Variants in TRERF1 observed in about 807,000 individuals in gnomAD.
TRERF1 encodes transcriptional regulating factor 1, also known as transcriptional-regulating factor 1.
Under a neutral mutation model 122.9 loss-of-function variants are expected in TRERF1, and 27 were observed. That is an observed-to-expected ratio of 0.22 (90% confidence interval 0.16 to 0.30). The LOEUF (loss-of-function observed/expected upper bound fraction) is 0.30, where lower values mean the gene tolerates loss of function less well. Among genes scored for constraint, TRERF1 ranks in the 10% least tolerant of loss-of-function variants. TRERF1 has a pLI of 1.00. For missense variants in TRERF1, 1,248 were observed against 1,560.3 expected, an observed-to-expected ratio of 0.80 and a Z score of 3.37; for synonymous variants, 636 against 641.7, an observed-to-expected ratio of 0.99 and a Z score of 0.13.
At chr6:42,334,367 G>A (rs1423465555) in intron 3 of TRERF1, among the ~76,000 whole-genome samples, 3 of 152,180 alleles carry the variant, frequency 2.0e-5, no homozygotes, top group Admixed American at 2.0e-4. Flanking sequence ...TTCCAAAGTT[G>A]TAAAGCAACT....
At chr6:42,274,660 G>C (rs374055688) in intron 4 of TRERF1, among the ~76,000 whole-genome samples, 3 of 151,988 alleles carry the variant, frequency 2.0e-5, no homozygotes, top group African/African-American at 7.3e-5. Context: ...GCCTGGGCAA[G>C]AGAGTGAGAC....
chr6:42,332,223 G>A (rs1412953060), intron 3 of TRERF1, among the ~76,000 whole-genome samples: 3 of 152,248 alleles, frequency 2.0e-5, no homozygotes, highest in Non-Finnish European at 4.4e-5. Flanking sequence ...TATTACAGGC[G>A]TGTGCCACCG....
chr6:42,414,244 A>AT (rs1421688534), intron 2 of TRERF1, among the ~76,000 whole-genome samples: 2 of 152,220 alleles, frequency 1.3e-5, no homozygotes, highest in Non-Finnish European at 2.9e-5. Context: ...ATGTGTAAAC[A>AT]TTTTTTAGCC....
intron 2 of TRERF1, among the ~76,000 whole-genome samples, chr6:42,401,038 T>C (rs762199426): frequency 1.3e-5 from 2 of 152,124 alleles, no homozygotes; most frequent in African/African-American, 2.4e-5. Flanking sequence ...CTGGCCATCC[T>C]CCCAATGCAC....
chr6:42,445,363 C>G (rs867328166), intron 2 of TRERF1, among the ~76,000 whole-genome samples: 2,437 of 151,332 alleles, frequency 0.016, 55 homozygotes, highest in African/African-American at 0.052. Flanking sequence ...GACACACACA[C>G]ACACACACAC....
At chr6:42,251,276 A>G (rs899597883) in intron 13 of TRERF1, among the ~76,000 whole-genome samples, 8 of 152,194 alleles carry the variant, frequency 5.3e-5, no homozygotes, top group Non-Finnish European at 1.5e-5. Flanking sequence ...GATTACAGGC[A>G]TGAGCCACCG....
chr6:42,390,489 C>T (rs1379512453), intron 2 of TRERF1, among the ~76,000 whole-genome samples: 2 of 152,208 alleles, frequency 1.3e-5, no homozygotes, highest in Admixed American at 6.5e-5. Flanking sequence ...ATATCGCAAG[C>T]TTTGTTCTAC....
In TRERF1 at chr6:42,230,250, T is replaced by C. The variant is rs554863064; in HGVS notation, c.3279-1581A>G. ...ACCTCTAAGAGGTATTTTGTGAACA[T>C]TTGCCTAATGTTATTTTGAGTTAGG... is the stretch of plus-strand genomic sequence containing the variant. On this transcript the variant is annotated intron_variant, in intron 17 of 17. Coordinates refer to ENST00000372922, the Ensembl canonical transcript of TRERF1. Among the ~76,000 whole-genome samples the C allele has an allele frequency of 1.1e-3, 171 of 152,272 alleles. 1 individual carries two copies. The highest frequency in any genetic ancestry group is 3.9e-3 in the African/African-American group (161 of 41,538).
intron 2 of TRERF1, among the ~76,000 whole-genome samples, chr6:42,384,663 A>C (rs901469788): frequency 6.6e-6 from 1 of 152,230 alleles, no homozygotes; most frequent in Non-Finnish European, 1.5e-5. Context: ...TAAGTAACTG[A>C]TCTAGTTCTA....
intron 2 of TRERF1, among the ~76,000 whole-genome samples, chr6:42,435,252 A>C (rs544219856): frequency 6.6e-6 from 1 of 152,348 alleles, no homozygotes; most frequent in African/African-American, 2.4e-5. Context: ...GGAGGTAAAA[A>C]AGGCCTAAGT....
intron 2 of TRERF1, among the ~76,000 whole-genome samples, chr6:42,366,158 G>A (rs1265619027): frequency 6.6e-6 from 1 of 152,164 alleles, no homozygotes; most frequent in African/African-American, 2.4e-5. Flanking sequence ...AGCTTACCAA[G>A]CTCTCCTGGC....
intron 3 of TRERF1, among the ~76,000 whole-genome samples, chr6:42,325,456 A>C (rs1764131356): frequency 6.6e-6 from 1 of 152,220 alleles, no homozygotes; most frequent in South Asian, 2.1e-4. Context: ...TATGCAACTC[A>C]TATGTTCACT....
chr6:42,319,829 A>T (rs1280242575), intron 3 of TRERF1, among the ~76,000 whole-genome samples: 1 of 148,926 alleles, frequency 6.7e-6, no homozygotes, highest in Non-Finnish European at 1.5e-5. Context: ...AAAAAAAAAA[A>T]ATGGTGCATT....
intron 2 of TRERF1, among the ~76,000 whole-genome samples, chr6:42,398,276 T>A (rs1214506717): frequency 6.6e-6 from 1 of 152,118 alleles, no homozygotes; most frequent in African/African-American, 2.4e-5. Context: ...GTGAAGCAGG[T>A]CTGAACATTT....
intron 3 of TRERF1, among the ~76,000 whole-genome samples, chr6:42,312,871 A>G (rs1761913171): frequency 6.6e-6 from 1 of 152,182 alleles, no homozygotes; most frequent in Non-Finnish European, 1.5e-5. Context: ...GGTTCTACCA[A>G]TGTTCCTTCT....
intron 4 of TRERF1, among the ~76,000 whole-genome samples, chr6:42,272,565 C>G (rs1780421948): frequency 6.6e-6 from 1 of 152,116 alleles, no homozygotes; most frequent in Non-Finnish European, 1.5e-5. Flanking sequence ...ATGCCCACCC[C>G]CAAGTGAGTC....
rs772927758 is a variant in TRERF1 at position 42,268,932 on chromosome 6, G to A, written c.659C>T (p.Ala220Val). 1.2e-6 allele frequency: 2 copies of A among 1,612,662 alleles called. No homozygotes were observed. Among genetic ancestry groups the A allele is most frequent in the South Asian group, 2.2e-5 (2 of 91,062 alleles). The stretch of plus-strand genomic sequence containing the variant: ...GGTAGGGTGCTGCCCGACCTGAAGA[G>A]CTGGTTTGGACAGCCCACCAGTGAA... The change falls in exon 5 of 18, where the codon GCT becomes GTT. Residue 220 changes from alanine (A) to valine (V), a missense_variant. This residue lies in a region of TRERF1 where 946 missense variants were observed against 1,073.0 expected (regional missense o/e 0.88). Transcript: ENST00000372922. This position sits in a 1 kb window ranked among gnomAD's most constrained non-coding sequence, Gnocchi z 4.4.
At chr6:42,318,844 CCTCCAAAATAGATG>C (rs1270097443) in intron 3 of TRERF1, among the ~76,000 whole-genome samples, 6 of 152,256 alleles carry the variant, frequency 3.9e-5, no homozygotes, top group Non-Finnish European at 7.3e-5. Context: ...GGCCAACCAT[CCTCCAAAATAGATG>C]CTCTCCCTTC....
chr6:42,269,886 T>C lies in TRERF1; in HGVS notation c.-258-38A>G, dbSNP rs191764332. 1.3e-4 allele frequency: 61 copies of C among 474,960 alleles called. No homozygotes were observed. Among genetic ancestry groups the C allele is most frequent in the Non-Finnish European group, 2.0e-4 (59 of 297,202 alleles). The allele number at this position is 474,960 out of a possible 1,614,324, so 29.4% of individuals were successfully genotyped here. Reference sequence around the variant, plus strand: ...ATGCAAAAGACAGGAAAGGATTTATTTGGATGTTTTGTGATGAGCAATTGA... The same window carrying C: ...ATGCAAAAGACAGGAAAGGATTTATCTGGATGTTTTGTGATGAGCAATTGA... On this transcript the variant is annotated intron_variant, in intron 4 of 17. Coordinates refer to ENST00000372922, the Ensembl canonical transcript of TRERF1. This position sits in a 1 kb window ranked among gnomAD's most constrained non-coding sequence, Gnocchi z 4.9.
Sources: gnomAD v4.1 joint callset for allele counts (sites outside exome capture counted in the v4.1 genomes callset) on GRCh38, gnomAD v4.1.1 for gene constraint, gnomAD v4.1.1 regional missense constraint, Gnocchi (gnomAD v3.1) non-coding constraint, MANE v1.5 for transcripts, NCBI Gene and HGNC (gene_info 2026-07-23, HGNC 2026-07-21) for gene names.